Variants in DCC observed in about 807,000 individuals in gnomAD.
The protein encoded by DCC is DCC netrin 1 receptor.
A neutral mutation model predicts 172.5 loss-of-function variants in DCC; 58 were observed. The observed-to-expected ratio is 0.34, with a 90% CI of 0.27 to 0.42. The LOEUF (loss-of-function observed/expected upper bound fraction) is 0.42. Among genes scored for constraint, DCC ranks in the 10% least tolerant of loss-of-function variants. DCC has a pLI of 1.00. For synonymous variants in DCC, 709 were observed against 644.5 expected, an observed-to-expected ratio of 1.10 and a Z score of -1.52; for missense variants, 1,740 against 1,791.0, an observed-to-expected ratio of 0.97 and a Z score of 0.51.
chr18:53,073,474 C>T (rs1033808504), intron 7 of DCC, among the ~76,000 whole-genome samples: 2 of 151,930 alleles, frequency 1.3e-5, no homozygotes, highest in African/African-American at 2.4e-5. Context: ...TGCAGTGAGC[C>T]GAGATAGCAC....
chr18:52,346,620 A>G (rs942488018), intron 1 of DCC, among the ~76,000 whole-genome samples: 16 of 152,180 alleles, frequency 1.1e-4, no homozygotes, highest in African/African-American at 2.4e-5. Context: ...ATTGATGGGA[A>G]TTTGCCAATG....
chr18:52,407,264 T>A (rs1484069206), intron 1 of DCC, among the ~76,000 whole-genome samples: 3 of 152,100 alleles, frequency 2.0e-5, no homozygotes, highest in Non-Finnish European at 1.5e-5. Context: ...ACTTTGTACC[T>A]TAGCGTTGAA....
intron 2 of DCC, among the ~76,000 whole-genome samples, chr18:52,891,014 CA>C (rs1382053393): frequency 2.0e-5 from 3 of 151,996 alleles, no homozygotes; most frequent in South Asian, 4.1e-4. Flanking sequence ...TCTACAAAAC[CA>C]ATTAAATCAG....
chr18:53,226,225 C>G (rs888809123), intron 12 of DCC, among the ~76,000 whole-genome samples: 1 of 152,098 alleles, frequency 6.6e-6, no homozygotes, highest in African/African-American at 2.4e-5. Context: ...ATAAGCCTTG[C>G]ATTCAAGTGG....
intron 12 of DCC, among the ~76,000 whole-genome samples, chr18:53,255,790 C>G (rs746496990): frequency 1.3e-5 from 2 of 152,038 alleles, no homozygotes; most frequent in Non-Finnish European, 2.9e-5. Context: ...ATCGCCACAC[C>G]AACTTCCAAA....
chr18:53,123,590 G>C (rs2043513987), intron 7 of DCC, among the ~76,000 whole-genome samples: 1 of 152,038 alleles, frequency 6.6e-6, no homozygotes, highest in Admixed American at 6.6e-5. Context: ...AGGATACCTA[G>C]TTGTAATGTG....
chr18:52,948,271 G>A (rs913704027), intron 5 of DCC, among the ~76,000 whole-genome samples: 3 of 151,830 alleles, frequency 2.0e-5, no homozygotes, highest in Non-Finnish European at 4.4e-5. Context: ...TATGTTTAAT[G>A]AAATCATAAG....
chr18:52,855,912 C>T (rs1024417035), intron 2 of DCC, among the ~76,000 whole-genome samples: 2 of 151,478 alleles, frequency 1.3e-5, no homozygotes, highest in Non-Finnish European at 3.0e-5. Flanking sequence ...ATTACAGGCA[C>T]GTGCCACCAT....
At chr18:53,110,570 T>C (rs1208349388) in intron 7 of DCC, among the ~76,000 whole-genome samples, 4 of 151,348 alleles carry the variant, frequency 2.6e-5, no homozygotes, top group African/African-American at 7.3e-5. Context: ...CAAACAACCC[T>C]ATCAAAAATT....
chr18:52,699,695 G>A (rs2036075228), intron 1 of DCC, among the ~76,000 whole-genome samples: 1 of 152,144 alleles, frequency 6.6e-6, no homozygotes, highest in Admixed American at 6.5e-5. Flanking sequence ...TAAGGCAGCA[G>A]AAAAGTTCAT....
Position 52,780,349 on chromosome 18 carries a change from AAATTATT to A in DCC, c.412+27980_412+27986del, listed in dbSNP as rs573142184. On this transcript the variant is annotated intron_variant, in intron 2 of 28. Coordinates refer to ENST00000442544, the MANE Select transcript of DCC (RefSeq NM_005215.4). ...ATAAAATTTATGATTGTCTTGTAAA[AAATTATT>A]AATTCCAGTTTTTAGATATCTTTCA... Among the ~76,000 whole-genome samples, 340 of 152,286 alleles carry A rather than the reference AAATTATT, an allele frequency of 2.2e-3. 3 individuals are homozygous for A. The highest frequency in any genetic ancestry group is 7.4e-4 in the Non-Finnish European group (50 of 68,020).
intron 27 of DCC, among the ~76,000 whole-genome samples, chr18:53,517,655 A>G (rs957180493): frequency 6.6e-6 from 1 of 152,016 alleles, no homozygotes; most frequent in Non-Finnish European, 1.5e-5. Context: ...AGGAGGAGAA[A>G]GGAGCAGAGA....
intron 1 of DCC, among the ~76,000 whole-genome samples, chr18:52,416,004 G>C (rs1987012489): frequency 6.6e-6 from 1 of 151,682 alleles, no homozygotes; most frequent in Non-Finnish European, 1.5e-5. Flanking sequence ...TCTCTTGTGG[G>C]CATTTAGTGC....
chr18:52,961,271 C>A (rs932473711), intron 5 of DCC, among the ~76,000 whole-genome samples: 20 of 151,914 alleles, frequency 1.3e-4, no homozygotes, highest in African/African-American at 4.8e-4. Context: ...TGCACATGTA[C>A]CCTAAAACTT....
chr18:53,043,013 C>CTTCTATAAAG (rs2042190508), intron 5 of DCC, among the ~76,000 whole-genome samples: 1 of 151,890 alleles, frequency 6.6e-6, no homozygotes, highest in Non-Finnish European at 1.5e-5. Flanking sequence ...AAGACATATG[C>CTTCTATAAAG]ACACGTATGT....
chr18:52,912,972 A>G (rs1036205847), intron 3 of DCC, among the ~76,000 whole-genome samples: 1 of 152,092 alleles, frequency 6.6e-6, no homozygotes, highest in Non-Finnish European at 1.5e-5. Flanking sequence ...CTATTTTTAG[A>G]TTAATAAAAA....
chr18:53,309,852 A>C (rs2057243695), intron 13 of DCC, among the ~76,000 whole-genome samples: 1 of 151,410 alleles, frequency 6.6e-6, no homozygotes, highest in Non-Finnish European at 1.5e-5. Context: ...AGCATTTAGG[A>C]ATGCAAACAA....
intron 1 of DCC, among the ~76,000 whole-genome samples, chr18:52,564,893 G>A (rs968121310): frequency 1.3e-5 from 2 of 152,026 alleles, no homozygotes; most frequent in Admixed American, 1.3e-4. Flanking sequence ...ACATCAAAAT[G>A]GGTACCTAGA....
chr18:52,610,151 T>TTAAA (rs1568253901), intron 1 of DCC, among the ~76,000 whole-genome samples: 1 of 19,058 alleles, frequency 5.2e-5, no homozygotes, highest in African/African-American at 2.3e-4. Context: ...CCATCTCTCA[T>TTAAA]AAAAAAAAAA....
Sources: gnomAD v4.1 joint callset for allele counts (sites outside exome capture counted in the v4.1 genomes callset) on GRCh38, gnomAD v4.1.1 for gene constraint, MANE v1.5 for transcripts, NCBI Gene and HGNC (gene_info 2026-07-23, HGNC 2026-07-21) for gene names.